Variants in DST observed in about 807,000 individuals in gnomAD.
DST encodes the protein dystonin.
In DST, 253 loss-of-function variants were observed where a neutral mutation model predicts 875.2. The ratio of observed to expected loss-of-function variants is 0.29; its 90% CI spans 0.26 to 0.32. The LOEUF is 0.32. DST is among the 10% of genes least tolerant of loss of function. The probability of loss-of-function intolerance (pLI) is 1.00; values close to 1 mark genes in which losing one functional copy is unlikely to be tolerated. For synonymous variants in DST, 3,124 were observed against 3,197.1 expected (o/e 0.98, Z 0.77); for missense variants, 8,287 against 9,111.6 (o/e 0.91, Z 3.68).
At chr6:56,891,580 A>C (rs1787525195) in intron 3 of DST, among the ~76,000 whole-genome samples, 1 of 146,520 alleles carries the variant, frequency 6.8e-6, no homozygotes, top group African/African-American at 2.5e-5. Flanking sequence ...AAAAAAAAAA[A>C]AAAAAAAATT....
chr6:56,466,172 T>A lies in DST; in HGVS notation c.22593A>T (p.Arg7531=), dbSNP rs752263952. 5 of 1,609,560 alleles carry A rather than the reference T, an allele frequency of 3.1e-6. No individual in the cohort carries two copies. The highest frequency in any genetic ancestry group is 4.2e-6 in the Non-Finnish European group (5 of 1,177,792). ...GNQFGDSQQL[R]LVRILRSTVM... ...CAGTACTCCGCAGGATCCGGACCAG[T>A]CGCAGTTGCTGGGAGTCTCCAAACT... is the stretch of plus-strand genomic sequence containing the variant. The change falls in exon 99 of 104, where the codon CGA becomes CGT. Residue 7531 remains arginine, a synonymous_variant. Coordinates refer to ENST00000680361, the MANE Select transcript of DST (RefSeq NM_001374736.1).
At chr6:56,506,581 T>A (rs1186832096) in intron 76 of DST, 37 bp from the exon 77 acceptor site, 3 of 1,608,060 alleles carry the variant, frequency 1.9e-6, no homozygotes, top group Non-Finnish European at 2.6e-6. Context: ...TAGTGCCATA[T>A]TTTAAACTTT....
intron 9 of DST, among the ~76,000 whole-genome samples, chr6:56,679,213 A>G (rs1159417855): frequency 6.6e-6 from 1 of 152,104 alleles, no homozygotes; most frequent in Admixed American, 6.6e-5. Context: ...TAATATCCGT[A>G]AGTCCTTCAC....
chr6:56,687,880 A>T (rs2099199220), intron 9 of DST, among the ~76,000 whole-genome samples: 1 of 152,184 alleles, frequency 6.6e-6, no homozygotes, highest in African/African-American at 2.4e-5. Context: ...CAAACTGCCT[A>T]TATAAGGGAA....
intron 5 of DST, among the ~76,000 whole-genome samples, chr6:56,711,582 G>C (rs1474656354): frequency 2.0e-5 from 3 of 152,106 alleles, no homozygotes; most frequent in Non-Finnish European, 4.4e-5. Context: ...AACTGAAAGG[G>C]AGAAATAAAT....
At chr6:56,817,473 G>A (rs2099767919) in intron 4 of DST, among the ~76,000 whole-genome samples, 1 of 152,032 alleles carries the variant, frequency 6.6e-6, no homozygotes, top group African/African-American at 2.4e-5. Context: ...ATGGGATACT[G>A]TGGGGAAAAA....
chr6:56,617,423 A>G, intron 36 of DST: 1 of 1,609,444 alleles, frequency 6.2e-7, no homozygotes, highest in Non-Finnish European at 8.5e-7. Context: ...AGCTATCTGT[A>G]ACAGGAATTT....
Position 56,578,940 on chromosome 6 carries a change from G to GTAGGAT in DST, c.12904-9_12904-4dup. On this transcript the variant is annotated splice_polypyrimidine_tract_variant and splice_region_variant and intron_variant, in intron 49 of 103. Transcript: ENST00000680361. Reference sequence around the variant, plus strand: ...CTTGATATCTGTCCTTGCAAAGCCTGTAGGATTAAACGCTTTTCAATTATA... The same window carrying GTAGGAT: ...CTTGATATCTGTCCTTGCAAAGCCTGTAGGATTAGGATTAAACGCTTTTCAATTATA... The GTAGGAT allele has an allele frequency of 3.8e-6, 6 of 1,586,552 alleles. No homozygotes were observed. Among genetic ancestry groups the GTAGGAT allele is most frequent in the Non-Finnish European group, 5.2e-6 (6 of 1,164,946 alleles).
chr6:56,628,013 A>C lies in DST; in HGVS notation c.4624T>G (p.Leu1542Val). ...PENSKTLATQ[L>V]NQQKMLVSEI... ...TTTTTACATACCTTCTGTTGATTCA[A>C]CTGTGTGGCTAGGGTTTTACTATTT... The change falls in exon 33 of 104, where the codon TTG becomes GTG. Residue 1542 changes from leucine (L) to valine (V), a missense_variant. Physicochemically the swap from Leu to Val is conservative, Grantham distance 32. Around this residue, in one of 10 missense-constraint regions of DST, gnomAD observed 3,138 missense variants for 3,116.6 expected, o/e 1.01. Transcript: ENST00000680361. The C allele has an allele frequency of 3.1e-6, 5 of 1,613,820 alleles. No homozygotes were observed. Among genetic ancestry groups the C allele is most frequent in the Non-Finnish European group, 4.2e-6 (5 of 1,179,778 alleles).
At chr6:56,464,474 G>A (rs2094486603) in intron 100 of DST, 3 of 574,148 alleles carry the variant, frequency 5.2e-6, no homozygotes, top group Non-Finnish European at 9.3e-6. Flanking sequence ...GTTAGCATGT[G>A]TTTGATCACT....
rs563753771 is a variant in DST, at chr6:56,783,547, C to T, written c.626-48258G>A. On this transcript the variant is annotated intron_variant, in intron 4 of 103. Coordinates refer to ENST00000680361, the MANE Select transcript of DST (RefSeq NM_001374736.1). ...TTTTACCAGAGACTAGGATTGCAGCCCCTGCCTTTTTTTGTTTTCCATTTG... is the reference window on the plus strand; with the variant it reads ...TTTTACCAGAGACTAGGATTGCAGCTCCTGCCTTTTTTTGTTTTCCATTTG... Among the ~76,000 whole-genome samples, 507 of 152,138 alleles carry T rather than the reference C, an allele frequency of 3.3e-3. 4 individuals carry two copies. The highest frequency in any genetic ancestry group is 0.012 in the African/African-American group (492 of 41,472).
rs749680270 is a variant in DST at position 56,639,933 on chromosome 6, C to T, written c.2615G>A (p.Ser872Asn). The change falls in exon 19 of 104, where the codon AGT (serine) becomes AAT (asparagine). Residue 872 changes from serine to asparagine, a missense_variant. Physicochemically the swap from Ser to Asn is conservative, Grantham distance 46 (BLOSUM62 1). Around this residue, in one of 10 missense-constraint regions of DST, gnomAD observed 1,160 missense variants for 1,424.3 expected, o/e 0.81. Transcript: ENST00000680361. ...FESSLKEAKISEIQMTAPLKL... is the reference protein window; with the variant it reads ...FESSLKEAKINEIQMTAPLKL... ...ACAAATTTTAAATTCACATACCTCACTGATTTTAGCTTCTTTGAGACTAGA... is the reference window on the plus strand; with the variant it reads ...ACAAATTTTAAATTCACATACCTCATTGATTTTAGCTTCTTTGAGACTAGA... 3.7e-6 allele frequency: 6 copies of T among 1,612,128 alleles called. No homozygotes were observed. The South Asian group carries it at 4.4e-5, about 12-fold the overall frequency.
chr6:56,519,625 T>C (rs962245260), intron 69 of DST, among the ~76,000 whole-genome samples: 1 of 152,156 alleles, frequency 6.6e-6, no homozygotes, highest in Non-Finnish European at 1.5e-5. Context: ...CACAGCCACC[T>C]GCACTGTGGT....
In DST at chr6:56,615,452, T is replaced by C. The variant is rs187564475; in HGVS notation, c.4930-968A>G. On this transcript the variant is annotated intron_variant, in intron 36 of 103. Transcript: ENST00000680361. Reference sequence around the variant, plus strand: ...ACTGCATATGTAGCCGATATCATCATACTCTGAAAAAGTGGCATGAACCAG... The same window carrying C: ...ACTGCATATGTAGCCGATATCATCACACTCTGAAAAAGTGGCATGAACCAG... 13 of 1,609,840 alleles carry C rather than the reference T, an allele frequency of 8.1e-6. No individual in the cohort carries two copies. In the African/African-American group the frequency reaches 1.1e-4, roughly 13 times the overall value.
rs1156979794 is a variant in DST, at chr6:56,603,000, A to T, written c.11189T>A (p.Leu3730Gln). 7 of 1,586,408 alleles carry T rather than the reference A, an allele frequency of 4.4e-6. No homozygotes were observed. Among genetic ancestry groups the T allele is most frequent in the Non-Finnish European group, 6.0e-6 (7 of 1,172,016 alleles). Residue 3730 changes from leucine to glutamine, a missense_variant, in exon 43 of 104, where the codon CTG becomes CAG. This residue lies in a region of DST where 3,138 missense variants were observed against 3,116.6 expected (regional missense o/e 1.01). Coordinates refer to ENST00000680361, the MANE Select transcript of DST (RefSeq NM_001374736.1). Reference protein sequence around the residue: ...SKLAVSHEEFLHKLKSFSDWV... With the variant: ...SKLAVSHEEFQHKLKSFSDWV... ...ATCTGAGAATGACTTAAGTTTATGC[A>T]GAAATTCTTCATGGGAAACTGCTAG...
intron 36 of DST, chr6:56,619,299 G>A: frequency 1.2e-6 from 2 of 1,611,840 alleles, no homozygotes; most frequent in African/African-American, 1.3e-5. Context: ...TGCCTAGTAA[G>A]CTCCTCTACT....
intron 2 of DST, among the ~76,000 whole-genome samples, chr6:56,938,108 C>CTCTCTATATATATATATATATATA (rs1383243392): frequency 1.7e-5 from 2 of 120,754 alleles, no homozygotes; most frequent in African/African-American, 7.0e-5. Context: ...CTCTCTCTCT[C>CTCTCTATATATATATATATATATA]TATATATATA....
chr6:56,779,364 G>C (rs1009835427), intron 4 of DST, among the ~76,000 whole-genome samples: 3 of 152,124 alleles, frequency 2.0e-5, no homozygotes, highest in African/African-American at 2.4e-5. Flanking sequence ...AGTTTCTTTT[G>C]CTGTGCAGAA....
intron 4 of DST, among the ~76,000 whole-genome samples, chr6:56,784,664 G>T (rs964363001): frequency 3.9e-5 from 6 of 152,156 alleles, no homozygotes; most frequent in Non-Finnish European, 8.8e-5. Flanking sequence ...TTTGCCTTTG[G>T]TTTGAATTTC....
Sources: allele counts gnomAD v4.1 joint callset (sites outside exome capture counted in the v4.1 genomes callset), GRCh38; gene constraint gnomAD v4.1.1; regional missense constraint gnomAD v4.1.1; transcripts MANE v1.5; gene names NCBI Gene and HGNC (gene_info 2026-07-23, HGNC 2026-07-21).